Variants in ASIC2 observed in about 807,000 individuals in gnomAD.
The protein encoded by ASIC2 is acid-sensing ion channel 2.
ASIC2 carries 25 observed loss-of-function variants against 57.3 expected under a neutral mutation model. That is an observed-to-expected ratio of 0.44 (90% confidence interval 0.32 to 0.61). The LOEUF is 0.61. ASIC2 is among the 20% of genes least tolerant of loss of function. ASIC2 has a pLI of 0.06. For synonymous variants in ASIC2, 319 were observed against 307.5 expected (o/e 1.04, Z -0.39); for missense variants, 641 against 738.1 (o/e 0.87, Z 1.52).
At chr17:33,060,343 G>A (rs1034469922) in intron 3 of ASIC2, among the ~76,000 whole-genome samples, 4 of 152,184 alleles carry the variant, frequency 2.6e-5, no homozygotes, top group Non-Finnish European at 4.4e-5. Context: ...TTTGTATAAG[G>A]TGTAAGGAAG....
intron 1 of ASIC2, among the ~76,000 whole-genome samples, chr17:33,445,797 CA>C (rs60125160): frequency 0.011 from 1,345 of 120,928 alleles, 18 homozygotes; most frequent in African/African-American, 0.035. Flanking sequence ...AACTCCATCT[CA>C]AAAAAAAAAA....
At chr17:33,341,425 G>A (rs372463373) in intron 1 of ASIC2, among the ~76,000 whole-genome samples, 9 of 152,308 alleles carry the variant, frequency 5.9e-5, no homozygotes, top group Non-Finnish European at 7.3e-5. Context: ...TTGGCAAACC[G>A]TGACTGTTTT....
intron 1 of ASIC2, among the ~76,000 whole-genome samples, chr17:33,370,055 G>A (rs1343347560): frequency 6.6e-6 from 1 of 152,152 alleles, no homozygotes; most frequent in Non-Finnish European, 1.5e-5. Context: ...CCAATGATGT[G>A]GCTGAGAAGA....
Position 33,924,714 on chromosome 17 carries a change from A to G in ASIC2, c.555+231264T>C, listed in dbSNP as rs914170170. 6.6e-5 allele frequency among the ~76,000 whole-genome samples: 10 copies of G among 152,220 alleles called. No homozygotes were observed. In the South Asian group the frequency reaches 2.1e-3, roughly 32 times the overall value. On this transcript the variant is annotated intron_variant, in intron 1 of 9. Transcript: ENST00000359872. Reference sequence around the variant, plus strand: ...TTGTGGACAGCAGAGAGAGGATGCAAGTGCTGGTTGGCCATATGTGCTTGG... The same window carrying G: ...TTGTGGACAGCAGAGAGAGGATGCAGGTGCTGGTTGGCCATATGTGCTTGG...
At chr17:33,578,658 T>G (rs1194490347) in intron 1 of ASIC2, among the ~76,000 whole-genome samples, 1 of 152,010 alleles carries the variant, frequency 6.6e-6, no homozygotes, top group Non-Finnish European at 1.5e-5. Context: ...ATCTCTCCCC[T>G]TATTTACTTC....
At chr17:33,564,050 C>T (rs1172161301) in intron 1 of ASIC2, among the ~76,000 whole-genome samples, 1 of 152,174 alleles carries the variant, frequency 6.6e-6, no homozygotes, top group East Asian at 1.9e-4. Context: ...CAGGAAGTCA[C>T]ATATTCCTGT....
At chr17:33,879,534 C>G (rs1474554753) in intron 1 of ASIC2, among the ~76,000 whole-genome samples, 1 of 152,160 alleles carries the variant, frequency 6.6e-6, no homozygotes, top group Admixed American at 6.5e-5. Flanking sequence ...GTAAAGGGAT[C>G]AATGCAACAA....
intron 1 of ASIC2, among the ~76,000 whole-genome samples, chr17:33,796,454 A>G (rs1158016740): frequency 2.6e-5 from 4 of 152,214 alleles, no homozygotes; most frequent in Non-Finnish European, 5.9e-5. Context: ...GCTTAATAGC[A>G]GGTTGGATCT....
At chr17:33,053,245 T>C (rs2091984454) in intron 3 of ASIC2, among the ~76,000 whole-genome samples, 1 of 152,196 alleles carries the variant, frequency 6.6e-6, no homozygotes, top group Non-Finnish European at 1.5e-5. Flanking sequence ...CAGGCGGCCG[T>C]CTGTTCTGAG....
At position 33,579,588 on chromosome 17, in the gene ASIC2, A is replaced by G. The variant is rs906133901; in HGVS notation, c.556-467521T>C. Among the ~76,000 whole-genome samples the G allele has an allele frequency of 2.0e-5, 3 of 151,928 alleles. No individual in the cohort carries two copies. The East Asian group carries it at 5.8e-4, about 29-fold the overall frequency. On this transcript the variant is annotated intron_variant, in intron 1 of 9. Transcript: ENST00000359872. The stretch of plus-strand genomic sequence containing the variant: ...CCTACTGGTGAGTGTTACAGCTCTT[A>G]AAGATGGTGTGTCGGGAGTTTGTTC...
At chr17:33,724,317 T>C (rs1002489763) in intron 1 of ASIC2, among the ~76,000 whole-genome samples, 6 of 152,100 alleles carry the variant, frequency 3.9e-5, no homozygotes, top group African/African-American at 7.2e-5. Context: ...AACAGACTAA[T>C]AGAGTCAGGA....
At chr17:33,959,177 C>T (rs918852209) in intron 1 of ASIC2, among the ~76,000 whole-genome samples, 1 of 152,018 alleles carries the variant, frequency 6.6e-6, no homozygotes, top group East Asian at 1.9e-4. Context: ...TCTGAGCCCT[C>T]CAAGTCTCTA....
intron 1 of ASIC2, among the ~76,000 whole-genome samples, chr17:33,607,302 C>T (rs371831766): frequency 3.3e-5 from 5 of 152,098 alleles, no homozygotes; most frequent in East Asian, 1.9e-4. Context: ...ATGAATAAAT[C>T]GGGAAGAAAC....
At chr17:34,147,362 C>T (rs973070047) in intron 1 of ASIC2, among the ~76,000 whole-genome samples, 1 of 152,158 alleles carries the variant, frequency 6.6e-6, no homozygotes, top group African/African-American at 2.4e-5. Flanking sequence ...TTCTTCTGAG[C>T]ATAAATTTCA....
chr17:33,943,161 C>A (rs569832361), intron 1 of ASIC2, among the ~76,000 whole-genome samples: 32 of 152,246 alleles, frequency 2.1e-4, no homozygotes, highest in African/African-American at 6.5e-4. Context: ...TCTGGACGAG[C>A]CTTTTATTCT....
intron 1 of ASIC2, among the ~76,000 whole-genome samples, chr17:34,148,059 G>C (rs541633703): frequency 6.6e-6 from 1 of 152,258 alleles, no homozygotes; most frequent in Non-Finnish European, 1.5e-5. Flanking sequence ...ACTTTCTATA[G>C]AGAGGAAAAG....
chr17:33,647,189 G>A (rs943129687), intron 1 of ASIC2, among the ~76,000 whole-genome samples: 2 of 152,108 alleles, frequency 1.3e-5, no homozygotes, highest in African/African-American at 4.8e-5. Context: ...TGCTGCCTCT[G>A]TTTATCAATC....
At chr17:33,257,952 G>C (rs565220702) in intron 1 of ASIC2, among the ~76,000 whole-genome samples, 1 of 152,290 alleles carries the variant, frequency 6.6e-6, no homozygotes, top group South Asian at 2.1e-4. Flanking sequence ...CTACCTGATA[G>C]GATTGTTTTC....
At chr17:33,833,430 A>T (rs1913176374) in intron 1 of ASIC2, among the ~76,000 whole-genome samples, 1 of 152,136 alleles carries the variant, frequency 6.6e-6, no homozygotes, top group South Asian at 2.1e-4. Context: ...GGCTATCTGC[A>T]TTCCTTTGTA....
Sources: allele counts gnomAD v4.1 joint callset (sites outside exome capture counted in the v4.1 genomes callset), GRCh38; gene constraint gnomAD v4.1.1; transcripts MANE v1.5; gene names NCBI Gene and HGNC (gene_info 2026-07-23, HGNC 2026-07-21).